The following LILRB1 variants were observed in gnomAD, a reference collection of about 807,000 sequenced individuals.
LILRB1 encodes leukocyte immunoglobulin-like receptor subfamily B member 1.
Under a neutral mutation model 74.6 loss-of-function variants are expected in LILRB1, and 59 were observed. The observed-to-expected ratio is 0.79, with a 90% CI of 0.64 to 0.98. The LOEUF is 0.98. Ranked by LOEUF, LILRB1 falls within the 50% of genes least tolerant of loss-of-function variation. The probability of loss-of-function intolerance (pLI) is 0.00; values close to 1 mark genes in which losing one functional copy is unlikely to be tolerated. For synonymous variants in LILRB1, 328 were observed against 333.9 expected (o/e 0.98, Z 0.19); for missense variants, 804 against 822.6 (o/e 0.98, Z 0.28).
At chr19:54,632,843 G>A in intron 6 of LILRB1, 83 bp downstream of exon 6, 4 of 1,582,822 alleles carry the variant, frequency 2.5e-6, no homozygotes, top group Non-Finnish European at 3.4e-6. Context: ...TGGCCGGGAT[G>A]AGGGATGGGG....
At chr19:54,617,184 C>T (rs1568559093) in exon 1 of LILRB1, 1 of 151,886 alleles carries the variant, frequency 6.6e-6, no homozygotes. Flanking sequence ...AGAGGAGGAA[C>T]AGAAAAGAAA....
At chr19:54,619,847 C>T (rs2063407198) in intron 1 of LILRB1, among the ~76,000 whole-genome samples, 1 of 151,660 alleles carries the variant, frequency 6.6e-6, no homozygotes, top group Non-Finnish European at 1.5e-5. Context: ...CAGACACTAG[C>T]TAAGATGCCT....
intron 1 of LILRB1, among the ~76,000 whole-genome samples, chr19:54,623,952 C>T (rs1568566764): frequency 6.6e-6 from 1 of 152,286 alleles, no homozygotes; most frequent in East Asian, 1.9e-4. Flanking sequence ...TTGTGTTGGG[C>T]TGTGCAGCTC....
rs568814093 is a variant in LILRB1, at chr19:54,637,265, C to T, written c.*387C>T. 12 of 187,886 alleles carry T rather than the reference C, an allele frequency of 6.4e-5. No homozygotes were observed. Among genetic ancestry groups the T allele is most frequent in the Non-Finnish European group, 8.9e-5 (8 of 89,552 alleles). The allele number at this position is 187,886 out of a possible 1,614,324, so 11.6% of individuals were successfully genotyped here. ...ATTTAGGGCAGGGCACGGTGGCTCACGCCTGTAATTCCAGCACTTTGGGAG... is the reference window on the plus strand; with the variant it reads ...ATTTAGGGCAGGGCACGGTGGCTCATGCCTGTAATTCCAGCACTTTGGGAG... On this transcript the variant is annotated 3_prime_UTR_variant, in exon 15 of 15. Coordinates refer to ENST00000324602, the MANE Select transcript of LILRB1 (RefSeq NM_001081637.3).
intron 6 of LILRB1, 101 bp downstream of exon 6, chr19:54,632,861 G>C: frequency 2.6e-6 from 4 of 1,564,704 alleles, no homozygotes. Flanking sequence ...GGGGTCCCAA[G>C]GGAGGGAGAG....
intron 9 of LILRB1, 129 bp from the exon 10 acceptor site, chr19:54,634,512 G>A (rs1352214479): frequency 6.6e-7 from 1 of 1,523,686 alleles, no homozygotes; most frequent in East Asian, 2.5e-5. Flanking sequence ...TGGGTGGGGT[G>A]GATGTTTCTG....
At chr19:54,633,776 G>T in intron 8 of LILRB1, 88 bp downstream of exon 8, 1 of 1,500,564 alleles carries the variant, frequency 6.7e-7, no homozygotes. Context: ...TCCCCTCAAA[G>T]ACTCGAGCTT....
chr19:54,625,256 C>A (rs2063551167), intron 1 of LILRB1, among the ~76,000 whole-genome samples: 1 of 148,928 alleles, frequency 6.7e-6, no homozygotes, highest in South Asian at 2.2e-4. Flanking sequence ...AGGAAGGAAG[C>A]CCCATTTCGC....
chr19:54,635,301 G>A lies in LILRB1; in HGVS notation c.1600+5G>A, dbSNP rs1873967860. On this transcript the variant is annotated splice_donor_5th_base_variant and intron_variant, in intron 12 of 14. Coordinates refer to ENST00000324602, the MANE Select transcript of LILRB1 (RefSeq NM_001081637.3). Reference sequence around the variant, plus strand: ...ATGCCCAGGAAGAAAACCTCTGTGAGTGAGAGGAAGAGGTGACCAGCCAGG... The same window carrying A: ...ATGCCCAGGAAGAAAACCTCTGTGAATGAGAGGAAGAGGTGACCAGCCAGG... The A allele has an allele frequency of 6.2e-7, 1 of 1,613,460 alleles. No homozygotes were observed. Among genetic ancestry groups the A allele is most frequent in the Non-Finnish European group, 8.5e-7 (1 of 1,179,460 alleles).
intron 1 of LILRB1, among the ~76,000 whole-genome samples, chr19:54,620,803 G>T (rs1027294882): frequency 6.6e-6 from 1 of 152,170 alleles, no homozygotes; most frequent in African/African-American, 2.4e-5. Flanking sequence ...CACTTAGTTT[G>T]GTTTCATGTC....
intron 6 of LILRB1, 36 bp from the exon 7 acceptor site, chr19:54,632,980 G>T: frequency 6.3e-7 from 1 of 1,598,964 alleles, no homozygotes; most frequent in Non-Finnish European, 8.5e-7. Context: ...TCAGAGCAAG[G>T]TGGGGCAGCC....
chr19:54,632,051 G>A lies in LILRB1; in HGVS notation c.475G>A (p.Glu159Lys), dbSNP rs761279862. The A allele has an allele frequency of 6.2e-7, 1 of 1,614,128 alleles. No homozygotes were observed. The highest frequency in any genetic ancestry group is 1.3e-5 in the African/African-American group (1 of 74,960). Residue 159 changes from glutamate (E) to lysine (K), a missense_variant, in exon 5 of 15, where the codon GAA becomes AAA. Transcript: ENST00000324602. ...VAFDGFILCK[E>K]GEDEHPQCLN... ...ATTTGATGGCTTCATTCTGTGTAAG[G>A]AAGGAGAAGATGAACACCCACAATG... is the stretch of plus-strand genomic sequence containing the variant.
intron 1 of LILRB1, among the ~76,000 whole-genome samples, chr19:54,619,099 A>G (rs1048119705): frequency 2.6e-5 from 4 of 152,174 alleles, no homozygotes; most frequent in Non-Finnish European, 5.9e-5. Flanking sequence ...AAAGTTATGT[A>G]TAAAACAAGA....
chr19:54,631,989 G>A lies in LILRB1; in HGVS notation c.413G>A (p.Gly138Glu). The change falls in exon 5 of 15, where the codon GGA becomes GAA. Residue 138 changes from glycine (G) to glutamate (E), a missense_variant. Transcript: ENST00000324602. ...CAGCCCAGCCCCGTGGTGAACTCAG[G>A]AGGGAATGTAACCCTCCAGTGTGAC... is the stretch of plus-strand genomic sequence containing the variant. ...SAQPSPVVNS[G>E]GNVTLQCDSQ... The A allele has an allele frequency of 1.9e-6, 3 of 1,614,168 alleles. No homozygotes were observed. The highest frequency in any genetic ancestry group is 8.5e-7 in the Non-Finnish European group (1 of 1,179,942).
At chr19:54,634,285 C>A (rs113668345) in intron 9 of LILRB1, 20 of 1,536,398 alleles carry the variant, frequency 1.3e-5, no homozygotes, top group Admixed American at 1.2e-4. Context: ...TCCCGTCCCA[C>A]CTGCAGCAGA....
upstream of LILRB1, among the ~76,000 whole-genome samples, chr19:54,626,977 A>G (rs1415339622): frequency 1.3e-5 from 2 of 152,242 alleles, no homozygotes; most frequent in East Asian, 3.8e-4. Flanking sequence ...ACACCCGGGA[A>G]GGTGGCTCAA....
At chr19:54,618,392 A>G (rs2063369266) in intron 1 of LILRB1, among the ~76,000 whole-genome samples, 1 of 152,242 alleles carries the variant, frequency 6.6e-6, no homozygotes, top group Non-Finnish European at 1.5e-5. Context: ...TGGCTTTAAA[A>G]TTATTGGTAA....
intron 3 of LILRB1, 42 bp from the exon 4 acceptor site, chr19:54,631,458 G>C: frequency 6.3e-7 from 1 of 1,598,496 alleles, no homozygotes; most frequent in Non-Finnish European, 8.5e-7. Flanking sequence ...TGCTGGGTTG[G>C]GTGGGAAATG....
chr19:54,631,231 G>T (rs780587019), intron 2 of LILRB1, 40 bp from the exon 3 acceptor site: 37 of 1,613,864 alleles, frequency 2.3e-5, no homozygotes, highest in Non-Finnish European at 2.8e-5. Context: ...ACCTGCCCAG[G>T]CTTCAGGGGG....
Sources: gnomAD v4.1 joint callset for allele counts (sites outside exome capture counted in the v4.1 genomes callset) on GRCh38, gnomAD v4.1.1 for gene constraint, MANE v1.5 for transcripts, NCBI Gene and HGNC (gene_info 2026-07-23, HGNC 2026-07-21) for gene names.